The following FOXP1 variants were observed in gnomAD, a reference collection of about 807,000 sequenced individuals.
FOXP1 encodes the protein forkhead box P1, also known as forkhead box protein P1.
FOXP1 carries 15 observed loss-of-function variants against 98.2 expected under a neutral mutation model. The observed-to-expected ratio is 0.15, with a 90% CI of 0.10 to 0.24. The LOEUF is 0.24. Ranked by LOEUF, FOXP1 falls within the 10% of genes least tolerant of loss-of-function variation. The pLI is 1.00. For synonymous variants in FOXP1, 371 were observed against 314.5 expected, an observed-to-expected ratio of 1.18 and a Z score of -1.90; for missense variants, 633 against 848.5, an observed-to-expected ratio of 0.75 and a Z score of 3.15.
intron 6 of FOXP1, among the ~76,000 whole-genome samples, chr3:71,121,379 A>AG (rs753628790): frequency 0.021 from 3,089 of 145,278 alleles, 55 homozygotes; most frequent in African/African-American, 0.053. Context: ...GAAAAAAAAA[A>AG]GGGGGGGGGG....
chr3:71,460,627 C>T (rs55688819), intron 3 of FOXP1, among the ~76,000 whole-genome samples: 46,368 of 151,832 alleles, frequency 0.31, 7,316 homozygotes, highest in Middle Eastern at 0.38. Flanking sequence ...TTAGTATACA[C>T]GGGGTTTTAC....
chr3:71,122,360 G>C (rs1409560308), intron 6 of FOXP1, among the ~76,000 whole-genome samples: 1 of 152,092 alleles, frequency 6.6e-6, no homozygotes, highest in East Asian at 1.9e-4. Context: ...TGGGAATATA[G>C]GAAAGGGCCA....
intron 16 of FOXP1, among the ~76,000 whole-genome samples, 185 bp downstream of exon 16, chr3:70,977,458 A>C (rs546549886): frequency 1.3e-5 from 2 of 152,318 alleles, no homozygotes; most frequent in South Asian, 4.1e-4. Context: ...ATTTCCTAAT[A>C]ATCACATCGT....
chr3:71,029,719 C>T (rs967837244), intron 11 of FOXP1, among the ~76,000 whole-genome samples: 4 of 152,066 alleles, frequency 2.6e-5, no homozygotes, highest in Admixed American at 6.5e-5. Flanking sequence ...CCCTCTGTTA[C>T]GTTTTGCATA....
At chr3:71,583,764 T>A (rs539690005), upstream of FOXP1, 61 of 985,692 alleles carry the variant, frequency 6.2e-5, 1 homozygote, top group South Asian at 2.0e-3. Context: ...AACAATAGAT[T>A]CCTCCGCTCC....
In FOXP1 at chr3:71,268,090, C is replaced by CCTT. The variant is rs1553808991; in HGVS notation, c.-12+31729_-12+31730insAAG. 7.6e-3 allele frequency among the ~76,000 whole-genome samples: 764 copies of CCTT among 100,334 alleles called. 10 individuals are homozygous for CCTT. The highest frequency in any genetic ancestry group is 0.027 in the East Asian group (83 of 3,066). 65.8% of individuals were successfully genotyped at this position (100,334 alleles called of 152,430 possible). Reference sequence around the variant, plus strand: ...CAGCTTCTTTTTTTTCTTTTCTTTTCTTTTTTTTTTTTTTTTTTGAGACAG... The same window carrying CCTT: ...CAGCTTCTTTTTTTTCTTTTCTTTTCCTTTTTTTTTTTTTTTTTTTTGAGACAG... On this transcript the variant is annotated intron_variant, in intron 5 of 20. Transcript: ENST00000649528.
At chr3:71,409,984 C>A (rs2082620003) in intron 3 of FOXP1, among the ~76,000 whole-genome samples, 1 of 152,124 alleles carries the variant, frequency 6.6e-6, no homozygotes. Context: ...CACTGCACTC[C>A]AGCCTGAACA....
chr3:71,287,957 C>T (rs999240278), intron 5 of FOXP1, among the ~76,000 whole-genome samples: 7 of 151,486 alleles, frequency 4.6e-5, no homozygotes, highest in Non-Finnish European at 4.4e-5. Context: ...CTTGGCTCAC[C>T]GCAACCTCTG....
intron 10 of FOXP1, 58 bp downstream of exon 10, chr3:71,046,884 C>G: frequency 6.3e-7 from 1 of 1,588,758 alleles, no homozygotes; most frequent in Non-Finnish European, 8.6e-7. Flanking sequence ...AAGAGACAAC[C>G]CACCACCTCC....
chr3:71,428,492 C>A (rs2084369985), intron 3 of FOXP1, among the ~76,000 whole-genome samples: 1 of 152,260 alleles, frequency 6.6e-6, no homozygotes, highest in Admixed American at 6.5e-5. Context: ...TGGTCCACCC[C>A]TTCGGGTTTG....
At chr3:71,457,920 T>C (rs374265633) in intron 3 of FOXP1, among the ~76,000 whole-genome samples, 3 of 152,192 alleles carry the variant, frequency 2.0e-5, no homozygotes, top group African/African-American at 4.8e-5. Flanking sequence ...GGGACTATTG[T>C]GCTCCAGGCT....
At chr3:71,522,103 G>A (rs913403343) in intron 2 of FOXP1, among the ~76,000 whole-genome samples, 4 of 151,978 alleles carry the variant, frequency 2.6e-5, no homozygotes, top group African/African-American at 7.3e-5. Flanking sequence ...CAAATACCAC[G>A]CACCAGCAAT....
intron 13 of FOXP1, among the ~76,000 whole-genome samples, chr3:70,988,548 A>G (rs570091489): frequency 6.6e-6 from 1 of 152,370 alleles, no homozygotes; most frequent in African/African-American, 2.4e-5. Context: ...GGCAAATGAT[A>G]TTAGCAGGCC....
intron 6 of FOXP1, among the ~76,000 whole-genome samples, chr3:71,147,977 G>A (rs987161290): frequency 1.3e-5 from 2 of 152,132 alleles, no homozygotes; most frequent in Non-Finnish European, 2.9e-5. Context: ...AAATATTTGC[G>A]TGTCAGAACC....
At chr3:71,338,925 T>C (rs1365972705) in intron 4 of FOXP1, among the ~76,000 whole-genome samples, 1 of 152,122 alleles carries the variant, frequency 6.6e-6, no homozygotes, top group Admixed American at 6.5e-5. Context: ...TGAGTCAAGA[T>C]AAAAGATGCC....
intron 3 of FOXP1, among the ~76,000 whole-genome samples, chr3:71,428,782 C>A (rs2084399780): frequency 1.3e-5 from 2 of 152,268 alleles, no homozygotes; most frequent in East Asian, 1.9e-4. Flanking sequence ...CACATACACA[C>A]AAAAGAAACT....
At chr3:71,521,191 C>T (rs990837118) in intron 2 of FOXP1, among the ~76,000 whole-genome samples, 2 of 151,754 alleles carry the variant, frequency 1.3e-5, no homozygotes, top group African/African-American at 4.8e-5. Context: ...ACAGGGAAGG[C>T]CACTGAGATA....
At chr3:71,189,400 G>T (rs931923421) in intron 6 of FOXP1, among the ~76,000 whole-genome samples, 3 of 152,198 alleles carry the variant, frequency 2.0e-5, no homozygotes, top group East Asian at 1.9e-4. Flanking sequence ...AGGCTAAATG[G>T]AAAATACTTG....
chr3:70,959,714 A>G (rs1413896809), intron 20 of FOXP1, among the ~76,000 whole-genome samples: 2 of 152,138 alleles, frequency 1.3e-5, no homozygotes, highest in African/African-American at 4.8e-5. Flanking sequence ...CTGAATCACT[A>G]GTCTCTGGAC....
Sources: allele counts gnomAD v4.1 joint callset (sites outside exome capture counted in the v4.1 genomes callset), GRCh38; gene constraint gnomAD v4.1.1; transcripts MANE v1.5; gene names NCBI Gene and HGNC (gene_info 2026-07-23, HGNC 2026-07-21).